Variants in TNIK observed in about 807,000 individuals in gnomAD.
The protein encoded by TNIK is TRAF2 and NCK-interacting protein kinase.
TNIK carries 49 observed loss-of-function variants against 191.3 expected under a neutral mutation model. The observed-to-expected ratio is 0.26, with a 90% CI of 0.20 to 0.32. The LOEUF (loss-of-function observed/expected upper bound fraction) is 0.32. TNIK is among the 10% of genes least tolerant of loss of function. The pLI is 1.00. For synonymous variants in TNIK, 594 were observed against 600.9 expected (o/e 0.99, Z 0.17); for missense variants, 1,155 against 1,702.3 (o/e 0.68, Z 5.66).
rs377530882 is a variant in TNIK, at chr3:171,087,504, C to A, written c.2724G>T (p.Thr908=). The A allele has an allele frequency of 5.5e-5, 89 of 1,613,544 alleles. No homozygotes were observed. In the African/African-American group the frequency reaches 1.1e-3, roughly 19 times the overall value. The change falls in exon 24 of 33, where the codon ACG becomes ACT. Residue 908 remains threonine (T), a splice_region_variant and synonymous_variant. Coordinates refer to ENST00000436636, the MANE Select transcript of TNIK (RefSeq NM_015028.4). ...SREGTLMIRE[T]SGEKKRSGHS... ...GGCCAGATCGCTTCTTCTCTCCAGA[C>A]GTCTGAGGGAGCACAGCACGTGGGA...
intron 1 of TNIK, among the ~76,000 whole-genome samples, chr3:171,434,155 C>T (rs1330280128): frequency 1.3e-5 from 2 of 151,824 alleles, no homozygotes; most frequent in African/African-American, 2.4e-5. Context: ...AGACTGGTCT[C>T]GAACTCCTGA....
chr3:171,407,583 C>T (rs764441992), intron 1 of TNIK, among the ~76,000 whole-genome samples: 1 of 152,192 alleles, frequency 6.6e-6, no homozygotes. Flanking sequence ...GCCACTAAGA[C>T]AACACCTACC....
chr3:171,170,849 G>A (rs199682690), intron 9 of TNIK, among the ~76,000 whole-genome samples: 2 of 152,088 alleles, frequency 1.3e-5, no homozygotes, highest in East Asian at 3.9e-4. Context: ...CCAGGAGTTC[G>A]AGACCAGCCT....
intron 2 of TNIK, among the ~76,000 whole-genome samples, chr3:171,281,129 A>T (rs1237038294): frequency 6.6e-6 from 1 of 152,184 alleles, no homozygotes; most frequent in African/African-American, 2.4e-5. Flanking sequence ...GATGGACTAG[A>T]TCTAGGGTCC....
intron 2 of TNIK, among the ~76,000 whole-genome samples, chr3:171,281,567 A>C (rs995916297): frequency 2.0e-5 from 3 of 151,820 alleles, no homozygotes; most frequent in African/African-American, 7.3e-5. Context: ...TACACTGTAC[A>C]TACAGTGCTT....
intron 6 of TNIK, 60 bp downstream of exon 6, chr3:171,190,637 G>T: frequency 3.9e-6 from 5 of 1,269,492 alleles, no homozygotes; most frequent in South Asian, 1.4e-5. Flanking sequence ...TTTTTTTAGA[G>T]CTGTTAATAT....
intron 2 of TNIK, among the ~76,000 whole-genome samples, chr3:171,287,198 A>G (rs1012955644): frequency 6.6e-6 from 1 of 152,218 alleles, no homozygotes; most frequent in Non-Finnish European, 1.5e-5. Flanking sequence ...TCAAAACAAA[A>G]CAAAAACAGA....
At chr3:171,145,961 C>T (rs566534590) in intron 12 of TNIK, among the ~76,000 whole-genome samples, 7 of 152,224 alleles carry the variant, frequency 4.6e-5, no homozygotes, top group Non-Finnish European at 8.8e-5. Flanking sequence ...TGCATTTATG[C>T]CAGGAATATT....
chr3:171,083,124 G>A (rs1167771318), intron 26 of TNIK, among the ~76,000 whole-genome samples: 2 of 152,086 alleles, frequency 1.3e-5, no homozygotes, highest in African/African-American at 4.8e-5. Context: ...CTAGGGAAAT[G>A]TATCATCCAC....
intron 9 of TNIK, among the ~76,000 whole-genome samples, chr3:171,172,973 TC>T (rs1314354930): frequency 6.6e-6 from 1 of 152,168 alleles, no homozygotes; most frequent in African/African-American, 2.4e-5. Context: ...ACACCGTTGA[TC>T]TTTTTTGGGT....
chr3:171,448,466 T>G (rs6768649), intron 1 of TNIK, among the ~76,000 whole-genome samples: 29,872 of 152,124 alleles, frequency 0.2, 4,812 homozygotes, highest in African/African-American at 0.45. Context: ...GAATAAATAT[T>G]CCATTGTAAG....
chr3:171,323,708 C>T (rs768859628), intron 2 of TNIK, among the ~76,000 whole-genome samples: 4 of 152,060 alleles, frequency 2.6e-5, no homozygotes, highest in African/African-American at 7.3e-5. Flanking sequence ...ATTGAAAATT[C>T]TTTAAAAATA....
chr3:171,086,297 A>G (rs971141413), intron 24 of TNIK, among the ~76,000 whole-genome samples: 9 of 152,316 alleles, frequency 5.9e-5, no homozygotes, highest in East Asian at 1.9e-4. Context: ...ATCCTCCTCA[A>G]GGTTGAATTC....
In TNIK at chr3:171,085,221, C is replaced by A; in HGVS notation, c.2895G>T (p.Met965Ile). 1 of 1,607,996 alleles carries A rather than the reference C, an allele frequency of 6.2e-7. No individual in the cohort carries two copies. ...TGAAGGAGGCTTTGGTGCTGCTCCC[C>A]ATGCCATACTAATCAATAAGCAAGA... ...QEMDSGTEYG[M>I]GSSTKASFTP... is the part of the protein sequence containing the mutation. The change falls in exon 25 of 33, where the codon ATG becomes ATT. Residue 965 changes from methionine (M) to isoleucine (I), a missense_variant. By Grantham distance (10) the Met-to-Ile change is conservative. Around this residue, in one of 3 missense-constraint regions of TNIK, gnomAD observed 735 missense variants for 848.0 expected, o/e 0.87. Coordinates refer to ENST00000436636, the MANE Select transcript of TNIK (RefSeq NM_015028.4).
chr3:171,303,530 T>C (rs746135678), intron 2 of TNIK, among the ~76,000 whole-genome samples: 1 of 152,236 alleles, frequency 6.6e-6, no homozygotes, highest in Non-Finnish European at 1.5e-5. Context: ...AATTATTATA[T>C]ATGTAAACAT....
chr3:171,376,603 G>T (rs778865764), intron 1 of TNIK, among the ~76,000 whole-genome samples: 5 of 152,058 alleles, frequency 3.3e-5, no homozygotes, highest in South Asian at 2.1e-4. Flanking sequence ...TATGAGAAAA[G>T]GTGCTCCAAG....
At chr3:171,212,649 A>G (rs147030271) in intron 3 of TNIK, among the ~76,000 whole-genome samples, 3 of 152,276 alleles carry the variant, frequency 2.0e-5, no homozygotes, top group South Asian at 2.1e-4. Context: ...TCCTCTCCTT[A>G]TCAGTCGGTA....
intron 15 of TNIK, among the ~76,000 whole-genome samples, chr3:171,137,968 C>CAAAAAAAAAA (rs58897378): frequency 3.5e-4 from 42 of 119,430 alleles, no homozygotes; most frequent in Non-Finnish European, 4.5e-4. Flanking sequence ...CAAAGATATA[C>CAAAAAAAAAA]AAAAAAAAAA....
At chr3:171,137,980 A>AAAAACG (rs1342872519) in intron 15 of TNIK, among the ~76,000 whole-genome samples, 8 of 120,344 alleles carry the variant, frequency 6.6e-5, no homozygotes, top group African/African-American at 3.1e-4. Context: ...AAAAAAAAAA[A>AAAAACG]AAAACAAAAA....
Sources: allele counts gnomAD v4.1 joint callset (sites outside exome capture counted in the v4.1 genomes callset), GRCh38; gene constraint gnomAD v4.1.1; regional missense constraint gnomAD v4.1.1; transcripts MANE v1.5; gene names NCBI Gene and HGNC (gene_info 2026-07-23, HGNC 2026-07-21).